Variants in NCOA4 observed in about 807,000 individuals in gnomAD.
NCOA4 encodes the protein 70 kDa AR-activator.
NCOA4 carries 31 observed loss-of-function variants against 69.5 expected under a neutral mutation model. The ratio of observed to expected loss-of-function variants is 0.45; its 90% CI spans 0.34 to 0.60. NCOA4 has a LOEUF of 0.60. Among genes scored for constraint, NCOA4 ranks in the 20% least tolerant of loss-of-function variants. The pLI, the probability that NCOA4 is intolerant of heterozygous loss-of-function variation, is 0.02. For synonymous variants in NCOA4, 228 were observed against 252.4 expected, an observed-to-expected ratio of 0.90 and a Z score of 0.92; for missense variants, 600 against 719.2, an observed-to-expected ratio of 0.83 and a Z score of 1.90.
Position 46,005,463 on chromosome 10 carries a change from C to G in NCOA4, c.*1129G>C, listed in dbSNP as rs1838758016. 1 of 220,498 alleles carries G rather than the reference C, an allele frequency of 4.5e-6. No homozygotes were observed. The highest frequency in any genetic ancestry group is 2.2e-5 in the African/African-American group (1 of 44,576). The allele number at this position is 220,498 out of a possible 1,614,324, so 13.7% of individuals were successfully genotyped here. On this transcript the variant is annotated 3_prime_UTR_variant, in exon 10 of 10. Transcript: ENST00000581486. ...TTAAGAAGCTTAATAGTTTCAAAGT[C>G]TGGAAAGCAGCAAAGATATCTTAGA...
chr10:46,026,504 T>TA (rs1175083393), intron 1 of NCOA4, among the ~76,000 whole-genome samples: 1 of 152,210 alleles, frequency 6.6e-6, no homozygotes, highest in Non-Finnish European at 1.5e-5. Flanking sequence ...CTTGCCATAA[T>TA]AGAGTCAAGG....
chr10:46,012,830 T>G, intron 7 of NCOA4, 53 bp downstream of exon 7: 1 of 1,594,928 alleles, frequency 6.3e-7, no homozygotes, highest in Non-Finnish European at 8.6e-7. Flanking sequence ...GATTAGTAAC[T>G]AACTCCACCT....
In NCOA4 at chr10:46,016,480, T is replaced by G. The variant is rs553476115; in HGVS notation, c.141+60A>C. 2.8e-5 allele frequency: 38 copies of G among 1,345,112 alleles called. No homozygotes were observed. The South Asian group carries it at 7.2e-4, about 26-fold the overall frequency. 83.3% of individuals were successfully genotyped at this position (1,345,112 alleles called of 1,614,324 possible). A position where few individuals can be genotyped will look rare whatever the true frequency, so the allele number is the denominator to read the frequency against. Reference sequence around the variant, plus strand: ...CACGGAGAGACCAAGTCCTTGGCCATGCTCAAATCAGCCCTGTGTCAAGAG... The same window carrying G: ...CACGGAGAGACCAAGTCCTTGGCCAGGCTCAAATCAGCCCTGTGTCAAGAG... On this transcript the variant is annotated intron_variant, in intron 2 of 9. Coordinates refer to ENST00000581486, the MANE Select transcript of NCOA4 (RefSeq NM_001145263.2).
At chr10:46,021,439 A>T (rs1839863882) in intron 1 of NCOA4, among the ~76,000 whole-genome samples, 3 of 152,156 alleles carry the variant, frequency 2.0e-5, no homozygotes, top group Admixed American at 1.3e-4. Context: ...TTAGAACTAC[A>T]GTTTCCAAGG....
chr10:46,023,459 G>A (rs969503630), intron 1 of NCOA4: 3 of 985,540 alleles, frequency 3.0e-6, no homozygotes, highest in Non-Finnish European at 3.6e-6. Context: ...ACTCCAGTTC[G>A]CCCGGGCCAC....
At chr10:46,023,670 G>GC (rs1554925013) in intron 1 of NCOA4, among the ~76,000 whole-genome samples, 10 of 152,214 alleles carry the variant, frequency 6.6e-5, no homozygotes, top group Non-Finnish European at 1.5e-4. Flanking sequence ...GGCACCTGGG[G>GC]CTCCTCTCCA....
chr10:46,007,818 G>A (rs1838937653), intron 9 of NCOA4, among the ~76,000 whole-genome samples: 1 of 151,902 alleles, frequency 6.6e-6, no homozygotes, highest in South Asian at 2.1e-4. Flanking sequence ...TAAACTCCTT[G>A]GCTCAAGCAA....
intron 9 of NCOA4, among the ~76,000 whole-genome samples, chr10:46,008,092 T>C (rs1554920255): frequency 6.6e-6 from 1 of 152,174 alleles, no homozygotes; most frequent in Non-Finnish European, 1.5e-5. Flanking sequence ...ACTACACCCA[T>C]TGACAGTGCA....
intron 1 of NCOA4, among the ~76,000 whole-genome samples, chr10:46,021,503 T>C (rs1839866485): frequency 6.6e-6 from 1 of 152,216 alleles, no homozygotes. Flanking sequence ...TAGTGTATTA[T>C]CACCTGTAAA....
chr10:46,011,268 T>C (rs1839186966), intron 7 of NCOA4, 62 bp from the exon 8 acceptor site: 3 of 1,492,190 alleles, frequency 2.0e-6, no homozygotes, highest in African/African-American at 2.8e-5. Flanking sequence ...GGAGATTCTG[T>C]CTGCACTTTT....
At chr10:46,017,102 T>A (rs553297315) in intron 1 of NCOA4, among the ~76,000 whole-genome samples, 4 of 152,346 alleles carry the variant, frequency 2.6e-5, no homozygotes, top group African/African-American at 7.2e-5. Flanking sequence ...TACAGAAGGA[T>A]CTTTGATTAC....
intron 1 of NCOA4, among the ~76,000 whole-genome samples, chr10:46,023,649 G>C (rs868980968): frequency 6.6e-6 from 1 of 152,248 alleles, no homozygotes; most frequent in Non-Finnish European, 1.5e-5. Context: ...CCAGCTAGAA[G>C]GACCTCGGAT....
intron 1 of NCOA4, among the ~76,000 whole-genome samples, chr10:46,027,140 G>A (rs1403020964): frequency 2.6e-5 from 4 of 151,766 alleles, no homozygotes; most frequent in Admixed American, 6.6e-5. Flanking sequence ...GCGTTGTGGC[G>A]GGTGCCTGTA....
chr10:46,006,279 C>CCA lies in NCOA4; in HGVS notation c.*311_*312dup. On this transcript the variant is annotated 3_prime_UTR_variant, in exon 10 of 10. Transcript: ENST00000581486. ...GTTTTAATGTACTTTTAGTAACGACCCAATCTAAGGAGCCTTGGAGGCTTG... is the reference window on the plus strand; with the variant it reads ...GTTTTAATGTACTTTTAGTAACGACCCACAATCTAAGGAGCCTTGGAGGCTTG... 1 of 404,006 alleles carries CCA rather than the reference C, an allele frequency of 2.5e-6. No individual in the cohort carries two copies. The highest frequency in any genetic ancestry group is 2.0e-5 in the African/African-American group (1 of 50,900). 25.0% of individuals were successfully genotyped at this position (404,006 alleles called of 1,614,324 possible).
chr10:46,005,958 CAAAATTTGCAGT>C lies in NCOA4; in HGVS notation c.*622_*633del. The C allele has an allele frequency of 4.9e-6, 1 of 205,510 alleles. No individual in the cohort carries two copies. The highest frequency in any genetic ancestry group is 7.5e-5 in the East Asian group (1 of 13,366). The allele number at this position is 205,510 out of a possible 1,614,324, so 12.7% of individuals were successfully genotyped here. On this transcript the variant is annotated 3_prime_UTR_variant, in exon 10 of 10. Transcript: ENST00000581486. ...TATTTTAATAACATTTACAGAAAGA[CAAAATTTGCAGT>C]AGCTGAGTTTAAGTGAAGAATAATG...
Position 46,010,959 on chromosome 10 carries a change from C to T in NCOA4, c.962G>A (p.Ser321Asn), listed in dbSNP as rs1839171346. The change falls in exon 8 of 10, where the codon AGT becomes AAT. Residue 321 changes from serine (S) to asparagine (N), a missense_variant. Transcript: ENST00000581486. Reference sequence around the variant, plus strand: ...CTTAAACTTCTCACTGGTTTCACGACTGCCATTCTCAGGCTTCCGCAGCTT... The same window carrying T: ...CTTAAACTTCTCACTGGTTTCACGATTGCCATTCTCAGGCTTCCGCAGCTT... ...SHKLRKPENGSRETSEKFKLL... is the reference protein window; with the variant it reads ...SHKLRKPENGNRETSEKFKLL... The T allele has an allele frequency of 6.2e-7, 1 of 1,613,894 alleles. No homozygotes were observed. The highest frequency in any genetic ancestry group is 8.5e-7 in the Non-Finnish European group (1 of 1,179,874).
At chr10:46,009,302 AT>A in intron 9 of NCOA4, 108 bp downstream of exon 9, 1 of 1,472,820 alleles carries the variant, frequency 6.8e-7, no homozygotes, top group Non-Finnish European at 9.4e-7. Flanking sequence ...TATACATACT[AT>A]TAAAAGGGAT....
chr10:46,017,164 G>A (rs1253292241), intron 1 of NCOA4, among the ~76,000 whole-genome samples: 2 of 152,068 alleles, frequency 1.3e-5, no homozygotes, highest in South Asian at 2.1e-4. Context: ...TTTAGAAGAC[G>A]GAATTTTTAA....
At chr10:46,013,072 C>T (rs1554922140) in intron 6 of NCOA4, 46 bp from the exon 7 acceptor site, 2 of 1,593,040 alleles carry the variant, frequency 1.3e-6, no homozygotes, top group Non-Finnish European at 1.7e-6. Context: ...AGAAAGTTCA[C>T]CAGAAAAAGA....
Sources: allele counts gnomAD v4.1 joint callset (sites outside exome capture counted in the v4.1 genomes callset), GRCh38; gene constraint gnomAD v4.1.1; transcripts MANE v1.5; gene names NCBI Gene and HGNC (gene_info 2026-07-23, HGNC 2026-07-21).